The following TENM2 variants were observed in gnomAD, a reference collection of about 807,000 sequenced individuals.
The protein encoded by TENM2 is teneurin transmembrane protein 2.
TENM2 carries 52 observed loss-of-function variants against 245.2 expected under a neutral mutation model. That is an observed-to-expected ratio of 0.21 (90% CI 0.17 to 0.27). The LOEUF (loss-of-function observed/expected upper bound fraction) is 0.27, where lower values mean the gene tolerates loss of function less well. TENM2 is among the 10% of genes least tolerant of loss of function. The pLI is 1.00. For synonymous variants in TENM2, 1,363 were observed against 1,438.9 expected (o/e 0.95, Z 1.19); for missense variants, 3,046 against 3,666.8 (o/e 0.83, Z 4.37).
At chr5:167,719,472 G>T (rs768596640) in intron 2 of TENM2, among the ~76,000 whole-genome samples, 3 of 152,224 alleles carry the variant, frequency 2.0e-5, no homozygotes, top group Non-Finnish European at 2.9e-5. Flanking sequence ...AACAGCTGGA[G>T]TGGGGTTTCC....
rs577966615 is a variant in TENM2, at chr5:167,830,508, G to A, written c.503-45478G>A. On this transcript the variant is annotated intron_variant, in intron 2 of 28. Transcript: ENST00000518659. ...ATCCTAAGCACCTGCTTGGTTCTAG[G>A]CCCCTGGCATAATGAAGTGAATCAG... is the stretch of plus-strand genomic sequence containing the variant. Among the ~76,000 whole-genome samples, 15 of 152,150 alleles carry A rather than the reference G, an allele frequency of 9.9e-5. No homozygotes were observed. In the South Asian group the frequency reaches 2.1e-3, roughly 21 times the overall value.
the TENM2 span, among the ~76,000 whole-genome samples, chr5:167,040,968 A>G: frequency 1.3e-5 from 2 of 152,186 alleles, no homozygotes; most frequent in African/African-American, 2.4e-5. Context: ...ATTTATCAAT[A>G]TGGTGGTCAG....
At chr5:167,550,901 G>A (rs537924292) in intron 2 of TENM2, among the ~76,000 whole-genome samples, 26 of 152,004 alleles carry the variant, frequency 1.7e-4, no homozygotes, top group African/African-American at 6.0e-4. Context: ...GCTAATTTTC[G>A]CATTTTCAGT....
intron 2 of TENM2, among the ~76,000 whole-genome samples, chr5:167,803,778 A>C (rs983101351): frequency 6.6e-6 from 1 of 152,058 alleles, no homozygotes; most frequent in Non-Finnish European, 1.5e-5. Flanking sequence ...TGCATACCAA[A>C]ATTTCACTTA....
At chr5:168,123,453 C>A (rs540364722) in intron 10 of TENM2, among the ~76,000 whole-genome samples, 2 of 152,072 alleles carry the variant, frequency 1.3e-5, no homozygotes, top group African/African-American at 4.8e-5. Flanking sequence ...ATTTAGAGAC[C>A]AGAAGTCTTA....
chr5:167,008,682 G>A, the TENM2 span, among the ~76,000 whole-genome samples: 2 of 151,940 alleles, frequency 1.3e-5, no homozygotes, highest in Admixed American at 6.5e-5. Flanking sequence ...TTTGTCATTT[G>A]TTTGGACTTT....
At chr5:168,006,940 G>A (rs915464590) in intron 5 of TENM2, among the ~76,000 whole-genome samples, 1 of 152,190 alleles carries the variant, frequency 6.6e-6, no homozygotes, top group African/African-American at 2.4e-5. Flanking sequence ...AAGAAATCAG[G>A]ATGGTTTGGG....
chr5:167,083,727 C>G, the TENM2 span, among the ~76,000 whole-genome samples: 1 of 152,108 alleles, frequency 6.6e-6, no homozygotes, highest in African/African-American at 2.4e-5. Flanking sequence ...AATGTTACTG[C>G]CCACCAAGTT....
chr5:167,009,154 A>C, the TENM2 span, among the ~76,000 whole-genome samples: 1 of 108,846 alleles, frequency 9.2e-6, no homozygotes, highest in Admixed American at 8.3e-5. Context: ...GGCTTGAATT[A>C]TGTGTCATAT....
intron 2 of TENM2, among the ~76,000 whole-genome samples, chr5:167,519,502 T>G (rs1031212561): frequency 6.6e-6 from 1 of 152,104 alleles, no homozygotes; most frequent in African/African-American, 2.4e-5. Flanking sequence ...CCATGCACTT[T>G]AAAAAATAAG....
the TENM2 span, among the ~76,000 whole-genome samples, chr5:167,122,380 C>T: frequency 6.6e-6 from 1 of 152,102 alleles, no homozygotes; most frequent in East Asian, 1.9e-4. Flanking sequence ...CAGGCTGCCC[C>T]ATTTGATATT....
intron 2 of TENM2, among the ~76,000 whole-genome samples, chr5:167,490,834 A>T (rs1051240042): frequency 3.3e-5 from 5 of 152,172 alleles, no homozygotes; most frequent in African/African-American, 1.2e-4. Context: ...TTAACTGTCA[A>T]TGGTAATGAA....
At chr5:167,929,837 G>A (rs1240546915) in intron 3 of TENM2, among the ~76,000 whole-genome samples, 1 of 152,136 alleles carries the variant, frequency 6.6e-6, no homozygotes, top group Admixed American at 6.5e-5. Context: ...AATTGGTAGG[G>A]GAAGAGTTAG....
chr5:168,231,898 C>A (rs1001188434), intron 25 of TENM2, among the ~76,000 whole-genome samples: 3 of 152,080 alleles, frequency 2.0e-5, no homozygotes, highest in Non-Finnish European at 2.9e-5. Flanking sequence ...GAGTTGGAGA[C>A]CAGCCTGGGC....
intron 2 of TENM2, among the ~76,000 whole-genome samples, chr5:167,540,575 G>T (rs984081095): frequency 6.6e-6 from 1 of 152,086 alleles, no homozygotes; most frequent in Non-Finnish European, 1.5e-5. Context: ...GAGCAGTTGC[G>T]ACAGAGACCA....
chr5:167,702,113 T>G (rs556123014), intron 2 of TENM2, among the ~76,000 whole-genome samples: 11 of 152,200 alleles, frequency 7.2e-5, no homozygotes, highest in Non-Finnish European at 5.9e-5. Flanking sequence ...TATTGACATC[T>G]TTTTATACAG....
chr5:168,051,055 A>T (rs1194217315), intron 6 of TENM2, among the ~76,000 whole-genome samples: 1 of 152,256 alleles, frequency 6.6e-6, no homozygotes, highest in East Asian at 1.9e-4. Flanking sequence ...ACGATTCAAT[A>T]CAGTATTCTG....
At chr5:168,000,146 C>T (rs969001120) in intron 5 of TENM2, among the ~76,000 whole-genome samples, 3 of 152,156 alleles carry the variant, frequency 2.0e-5, no homozygotes, top group African/African-American at 7.2e-5. Flanking sequence ...TGACTGGATT[C>T]CTTTGGGTGG....
chr5:167,990,862 A>G (rs1783613501), intron 4 of TENM2, among the ~76,000 whole-genome samples: 1 of 152,232 alleles, frequency 6.6e-6, no homozygotes, highest in African/African-American at 2.4e-5. Context: ...GCAAACAGCC[A>G]AGATACAAAT....
Sources: gnomAD v4.1 joint callset for allele counts (sites outside exome capture counted in the v4.1 genomes callset) on GRCh38, gnomAD v4.1.1 for gene constraint, MANE v1.5 for transcripts, NCBI Gene and HGNC (gene_info 2026-07-23, HGNC 2026-07-21) for gene names.